The following TCOF1 variants were observed in gnomAD, a reference collection of about 807,000 sequenced individuals.
The protein encoded by TCOF1 is treacle ribosome biogenesis factor 1.
Under a neutral mutation model 149.0 loss-of-function variants are expected in TCOF1, and 33 were observed. That is an observed-to-expected ratio of 0.22 (90% CI 0.17 to 0.30). The LOEUF is 0.30. Ranked by LOEUF, TCOF1 falls within the 10% of genes least tolerant of loss-of-function variation. The probability of loss-of-function intolerance (pLI) is 1.00; values close to 1 mark genes in which losing one functional copy is unlikely to be tolerated. For synonymous variants in TCOF1, 789 were observed against 738.8 expected (o/e 1.07, Z -1.10); for missense variants, 1,728 against 1,840.7 (o/e 0.94, Z 1.12).
intron 17 of TCOF1, 48 bp downstream of exon 17, chr5:150,379,780 G>C (rs956216440): frequency 1.3e-6 from 2 of 1,595,614 alleles, no homozygotes; most frequent in South Asian, 2.2e-5. Flanking sequence ...TCCTCAGAAC[G>C]GGGGTATAGG....
At chr5:150,371,500 C>T (rs1487018474) in intron 6 of TCOF1, among the ~76,000 whole-genome samples, 1 of 152,134 alleles carries the variant, frequency 6.6e-6, no homozygotes, top group East Asian at 1.9e-4. Flanking sequence ...GCACTGACTG[C>T]CTGGGAAATG....
intron 10 of TCOF1, 34 bp downstream of exon 10, chr5:150,375,197 C>T (rs1763471746): frequency 1.9e-6 from 3 of 1,612,922 alleles, no homozygotes; most frequent in Non-Finnish European, 2.5e-6. Context: ...TGGCCTGTGC[C>T]CTGCCTCAAA....
At chr5:150,366,642 T>C (rs867280377) in intron 3 of TCOF1, among the ~76,000 whole-genome samples, 1 of 20,248 alleles carries the variant, frequency 4.9e-5, no homozygotes, top group Non-Finnish European at 1.0e-4. Context: ...CATTCTTCTT[T>C]TTTTTTTTTT....
At chr5:150,387,641 T>G (rs1766557347) in intron 17 of TCOF1, among the ~76,000 whole-genome samples, 1 of 152,138 alleles carries the variant, frequency 6.6e-6, no homozygotes, top group Admixed American at 6.5e-5. Flanking sequence ...TCCCACTTTG[T>G]ATAAGGGAGC....
intron 17 of TCOF1, among the ~76,000 whole-genome samples, chr5:150,381,128 C>T (rs1014879678): frequency 1.3e-5 from 2 of 152,192 alleles, no homozygotes; most frequent in African/African-American, 4.8e-5. Flanking sequence ...TCAGCTTCAG[C>T]CAGTCATGAC....
At position 150,384,579 on chromosome 5, in the gene TCOF1, C is replaced by T. The variant is rs1053520702; in HGVS notation, c.2860-3323C>T. ...AACAACTGGGAGGGAGGGGACCGCT[C>T]CCCCTTTCTCTGTGGGGGTGGACTA... On this transcript the variant is annotated intron_variant, in intron 17 of 26. Transcript: ENST00000643257. The T allele has an allele frequency of 3.0e-6, 3 of 985,374 alleles. No homozygotes were observed. The Admixed American group carries it at 1.8e-4, about 61-fold the overall frequency. 61.0% of individuals were successfully genotyped at this position (985,374 alleles called of 1,614,324 possible).
chr5:150,386,285 G>C (rs934228966), intron 17 of TCOF1, among the ~76,000 whole-genome samples: 1 of 152,162 alleles, frequency 6.6e-6, no homozygotes, highest in Non-Finnish European at 1.5e-5. Flanking sequence ...TGCCTCAGTG[G>C]GTTCGTTGCT....
At chr5:150,366,071 A>G (rs900180681) in intron 3 of TCOF1, among the ~76,000 whole-genome samples, 5 of 151,202 alleles carry the variant, frequency 3.3e-5, no homozygotes, top group South Asian at 4.2e-4. Context: ...ACAGTGAGCC[A>G]TGACTGTGCC....
intron 7 of TCOF1, 48 bp from the exon 8 acceptor site, chr5:150,374,126 G>C (rs754945503): frequency 9.5e-6 from 15 of 1,577,272 alleles, no homozygotes; most frequent in Admixed American, 3.5e-5. Flanking sequence ...GGCATCACCA[G>C]AGAGTTTTCA....
rs1193457959 is a variant in TCOF1 at position 150,391,960 on chromosome 5, G to A, written c.3301G>A (p.Asp1101Asn). 6.2e-7 allele frequency: 1 copy of A among 1,614,160 alleles called. No individual in the cohort carries two copies. The highest frequency in any genetic ancestry group is 1.7e-5 in the Admixed American group (1 of 60,018). The change falls in exon 21 of 27, where the codon GAC becomes AAC. Residue 1101 changes from aspartate to asparagine, a missense_variant. This residue lies in a region of TCOF1 where 1,696 missense variants were observed against 1,765.4 expected (regional missense o/e 0.96). Coordinates refer to ENST00000643257, the MANE Select transcript of TCOF1 (RefSeq NM_001371623.1). Reference protein sequence around the residue: ...VARTQPSSGVDSAVGTLPATS... With the variant: ...VARTQPSSGVNSAVGTLPATS... ...CCTTCTCCTTTCACCGAATTAGGTT[G>A]ACAGTGCTGTGGGAACACTCCCTGC...
chr5:150,375,135 A>C lies in TCOF1; in HGVS notation c.1460A>C (p.Glu487Ala), dbSNP rs772373668. The change falls in exon 10 of 27, where the codon GAG becomes GCG. Residue 487 changes from glutamate (E) to alanine (A), a missense_variant. Glu to Ala is a moderately radical substitution (Grantham distance 107). This residue lies in a region of TCOF1 where 1,696 missense variants were observed against 1,765.4 expected (regional missense o/e 0.96). Transcript: ENST00000643257. Reference protein sequence around the residue: ...SSSEESDSDREALAAMNAAQV... With the variant: ...SSSEESDSDRAALAAMNAAQV... ...AGCGAGGAGTCAGACAGTGACAGAG[A>C]GGCACTGGCAGCCATGAATGCAGCT... The C allele has an allele frequency of 7.4e-6, 12 of 1,613,732 alleles. No homozygotes were observed. Among genetic ancestry groups the C allele is most frequent in the Non-Finnish European group, 9.3e-6 (11 of 1,179,910 alleles).
intron 24 of TCOF1, among the ~76,000 whole-genome samples, chr5:150,397,765 T>A (rs184892294): frequency 6.6e-6 from 1 of 152,262 alleles, no homozygotes; most frequent in African/African-American, 2.4e-5. Flanking sequence ...ATAGATAGTG[T>A]CCATTTAAAA....
At chr5:150,360,658 C>G (rs1235859558) in intron 1 of TCOF1, among the ~76,000 whole-genome samples, 2 of 151,162 alleles carry the variant, frequency 1.3e-5, no homozygotes, top group African/African-American at 4.9e-5. Context: ...ATTGGTTGTT[C>G]TTCTTGTCTC....
At chr5:150,374,534 C>T in intron 8 of TCOF1, 83 bp from the exon 9 acceptor site, 1 of 1,598,622 alleles carries the variant, frequency 6.3e-7, no homozygotes, top group Non-Finnish European at 8.6e-7. Flanking sequence ...ATCATTTGCC[C>T]TATCTGGTCT....
chr5:150,379,162 A>G lies in TCOF1; in HGVS notation c.2479-67A>G, dbSNP rs1053086280. ...CAGGCCACCCACCCAGAGTTGTGCC[A>G]TAGTGGGGAGTGGGACCTGAAAGGA... On this transcript the variant is annotated intron_variant, in intron 15 of 26. Transcript: ENST00000643257. 76 of 1,613,962 alleles carry G rather than the reference A, an allele frequency of 4.7e-5. No individual in the cohort carries two copies. In the African/African-American group the frequency reaches 9.2e-4, roughly 20 times the overall value.
In TCOF1 at chr5:150,388,061, A is replaced by T. The variant is rs761188552; in HGVS notation, c.3019A>T (p.Ile1007Phe). Residue 1007 changes from isoleucine to phenylalanine, a missense_variant, in exon 18 of 27, where the codon ATC (isoleucine) becomes TTC (phenylalanine). Transcript: ENST00000643257. ...SSSESEDEDV[I>F]PATQCLTPGI... ...CTCCGAGAGCGAGGATGAGGACGTGATCCCCGCTACACAGTGCTTGACTCC... is the reference window on the plus strand; with the variant it reads ...CTCCGAGAGCGAGGATGAGGACGTGTTCCCCGCTACACAGTGCTTGACTCC... The T allele has an allele frequency of 4.3e-6, 7 of 1,613,136 alleles. No individual in the cohort carries two copies. Among genetic ancestry groups the T allele is most frequent in the Non-Finnish European group, 5.9e-6 (7 of 1,179,940 alleles).
At chr5:150,382,930 C>T in intron 17 of TCOF1, 1 of 659,362 alleles carries the variant, frequency 1.5e-6, no homozygotes, top group Non-Finnish European at 2.6e-6. Context: ...TATCCCTGTG[C>T]ATGTGCAGGA....
At chr5:150,360,471 G>A (rs1418432821) in intron 1 of TCOF1, among the ~76,000 whole-genome samples, 2 of 152,200 alleles carry the variant, frequency 1.3e-5, no homozygotes, top group Non-Finnish European at 2.9e-5. Flanking sequence ...CGTGCTTTGG[G>A]AAGATTGGCT....
In TCOF1 at chr5:150,371,736, G is replaced by A. The variant is rs145257964; in HGVS notation, c.640-270G>A. On this transcript the variant is annotated intron_variant, in intron 6 of 26. Coordinates refer to ENST00000643257, the MANE Select transcript of TCOF1 (RefSeq NM_001371623.1). ...GGTGTGTGCCAGGTGGGAGATGAACGTAATGGTTTTGAGATCTGTTCCAAA... is the reference window on the plus strand; with the variant it reads ...GGTGTGTGCCAGGTGGGAGATGAACATAATGGTTTTGAGATCTGTTCCAAA... Among the ~76,000 whole-genome samples the A allele has an allele frequency of 3.3e-5, 5 of 152,334 alleles. No homozygotes were observed. In the East Asian group the frequency reaches 7.7e-4, roughly 23 times the overall value.
Sources: allele counts gnomAD v4.1 joint callset (sites outside exome capture counted in the v4.1 genomes callset), GRCh38; gene constraint gnomAD v4.1.1; regional missense constraint gnomAD v4.1.1; transcripts MANE v1.5; gene names NCBI Gene and HGNC (gene_info 2026-07-23, HGNC 2026-07-21).